Variants in OXR1 observed in about 807,000 individuals in gnomAD.
OXR1 encodes the protein oxidation resistance 1.
In OXR1, 41 loss-of-function variants were observed where a neutral mutation model predicts 104.6. That is an observed-to-expected ratio of 0.39 (90% confidence interval 0.31 to 0.51). The LOEUF (loss-of-function observed/expected upper bound fraction) is 0.51. Ranked by LOEUF, OXR1 falls within the 20% of genes least tolerant of loss-of-function variation. The probability of loss-of-function intolerance (pLI) is 0.77; values close to 1 mark genes in which losing one functional copy is unlikely to be tolerated. For synonymous variants in OXR1, 348 were observed against 348.4 expected (o/e 1.00, Z 0.01); for missense variants, 955 against 1,031.9 (o/e 0.93, Z 1.02).
chr8:106,665,033 T>C (rs1826136243), intron 3 of OXR1, among the ~76,000 whole-genome samples: 1 of 152,188 alleles, frequency 6.6e-6, no homozygotes, highest in African/African-American at 2.4e-5. Context: ...TATTAAACAT[T>C]GAAATAAATG....
At chr8:106,551,677 A>G (rs1249773109) in intron 3 of OXR1, among the ~76,000 whole-genome samples, 1 of 151,396 alleles carries the variant, frequency 6.6e-6, no homozygotes, top group South Asian at 2.1e-4. Context: ...TCTGGGCACA[A>G]TGGCTCCCAC....
intron 3 of OXR1, among the ~76,000 whole-genome samples, chr8:106,632,356 T>C (rs767060384): frequency 6.6e-5 from 10 of 152,226 alleles, no homozygotes; most frequent in Non-Finnish European, 4.4e-5. Flanking sequence ...TGGCCTAAAA[T>C]CTGAACATGT....
At chr8:106,455,722 A>G (rs1044474851) in intron 2 of OXR1, among the ~76,000 whole-genome samples, 1 of 152,178 alleles carries the variant, frequency 6.6e-6, no homozygotes, top group Non-Finnish European at 1.5e-5. Flanking sequence ...TCAGAGTCAT[A>G]CCTTTGGACT....
At chr8:106,339,528 A>ATATATATATATATG (rs1815142346) in intron 1 of OXR1, among the ~76,000 whole-genome samples, 1 of 27,932 alleles carries the variant, frequency 3.6e-5, no homozygotes, top group East Asian at 9.1e-4. Context: ...AAATATATAT[A>ATATATATATATATG]TATATATATA....
intron 1 of OXR1, among the ~76,000 whole-genome samples, chr8:106,297,313 C>T (rs1219089176): frequency 2.0e-5 from 3 of 151,874 alleles, no homozygotes; most frequent in Non-Finnish European, 4.4e-5. Flanking sequence ...AGATAATTTT[C>T]CTAAGGAGGA....
In OXR1 at chr8:106,605,435, C is replaced by A. The variant is rs527531529; in HGVS notation, c.221-73775C>A. On this transcript the variant is annotated intron_variant, in intron 3 of 16. Transcript: ENST00000517566. ...CTGCTTTAATTGAGCCAACCACATT[C>A]TGTAGGGGAAAAGCCAGACCAGAAA... Among the ~76,000 whole-genome samples, 57 of 152,108 alleles carry A rather than the reference C, an allele frequency of 3.7e-4. No individual in the cohort carries two copies. The South Asian group carries it at 4.6e-3, about 12-fold the overall frequency.
At chr8:106,533,842 A>C (rs1814277468) in intron 3 of OXR1, among the ~76,000 whole-genome samples, 1 of 151,498 alleles carries the variant, frequency 6.6e-6, no homozygotes, top group East Asian at 1.9e-4. Flanking sequence ...CAGCCTCCTG[A>C]GTAGCTAAAA....
At chr8:106,710,510 A>G (rs1831584600) in intron 9 of OXR1, 112 bp from the exon 10 acceptor site, 2 of 579,846 alleles carry the variant, frequency 3.4e-6, no homozygotes, top group Middle Eastern at 5.0e-4. Flanking sequence ...GCACCACTAA[A>G]GTGAGGTTTT....
chr8:106,392,752 A>C (rs533777224), intron 2 of OXR1, among the ~76,000 whole-genome samples: 12 of 152,304 alleles, frequency 7.9e-5, no homozygotes, highest in Non-Finnish European at 1.6e-4. Context: ...CATAGACAAT[A>C]ATATCTAAAA....
At chr8:106,605,671 C>A (rs966812084) in intron 3 of OXR1, among the ~76,000 whole-genome samples, 6 of 148,024 alleles carry the variant, frequency 4.1e-5, no homozygotes, top group African/African-American at 1.5e-4. Context: ...GCATGGTGGG[C>A]GCCTGTAATC....
chr8:106,273,602 T>G (rs1230519604), intron 1 of OXR1, among the ~76,000 whole-genome samples: 1 of 152,256 alleles, frequency 6.6e-6, no homozygotes, highest in Non-Finnish European at 1.5e-5. Context: ...AACTTGGCTT[T>G]CAATAAGATG....
intron 8 of OXR1, among the ~76,000 whole-genome samples, chr8:106,703,402 CT>C (rs1830755640): frequency 6.6e-6 from 1 of 152,142 alleles, no homozygotes; most frequent in South Asian, 2.1e-4. Context: ...TAAATTACCC[CT>C]GTGAGCAATC....
At chr8:106,316,042 C>A (rs914653233) in intron 1 of OXR1, among the ~76,000 whole-genome samples, 1 of 152,156 alleles carries the variant, frequency 6.6e-6, no homozygotes, top group Non-Finnish European at 1.5e-5. Context: ...ATTTGTGTAA[C>A]TTTCTAACAG....
intron 3 of OXR1, among the ~76,000 whole-genome samples, chr8:106,607,234 G>C (rs1182132385): frequency 6.6e-6 from 1 of 152,082 alleles, no homozygotes; most frequent in Non-Finnish European, 1.5e-5. Context: ...CCATTCTGTC[G>C]AGCTTAAAGC....
chr8:106,395,578 A>G (rs1246188321), intron 2 of OXR1, among the ~76,000 whole-genome samples: 1 of 152,124 alleles, frequency 6.6e-6, no homozygotes, highest in Non-Finnish European at 1.5e-5. Flanking sequence ...TTCCCACAAC[A>G]TGTGAGAATT....
chr8:106,703,127 G>A, intron 8 of OXR1, 37 bp downstream of exon 8: 2 of 1,389,390 alleles, frequency 1.4e-6, no homozygotes, highest in Non-Finnish European at 2.0e-6. Context: ...CAACTTTATT[G>A]TATCTAGATA....
At chr8:106,487,870 C>G (rs1296440897) in intron 2 of OXR1, among the ~76,000 whole-genome samples, 2 of 151,776 alleles carry the variant, frequency 1.3e-5, no homozygotes, top group Non-Finnish European at 2.9e-5. Context: ...GTGAATAATG[C>G]CGCAATAAAC....
chr8:106,633,255 A>AACAAG (rs1438033302), intron 3 of OXR1, among the ~76,000 whole-genome samples: 1 of 150,706 alleles, frequency 6.6e-6, no homozygotes, highest in African/African-American at 2.5e-5. Flanking sequence ...AACAAAACAA[A>AACAAG]CAACAACAAA....
intron 1 of OXR1, among the ~76,000 whole-genome samples, chr8:106,334,882 C>G (rs1011122520): frequency 5.3e-5 from 8 of 152,150 alleles, no homozygotes; most frequent in African/African-American, 1.9e-4. Flanking sequence ...CCTACTACTG[C>G]TAATAAATCC....
Sources: allele counts gnomAD v4.1 joint callset (sites outside exome capture counted in the v4.1 genomes callset), GRCh38; gene constraint gnomAD v4.1.1; transcripts MANE v1.5; gene names NCBI Gene and HGNC (gene_info 2026-07-23, HGNC 2026-07-21).